Variants in CEP112 observed in about 807,000 individuals in gnomAD.
CEP112 encodes centrosomal protein of 112 kDa.
Under a neutral mutation model 153.0 loss-of-function variants are expected in CEP112, and 127 were observed. That is an observed-to-expected ratio of 0.83 (90% CI 0.72 to 0.96). The LOEUF (loss-of-function observed/expected upper bound fraction) is 0.96, where lower values mean the gene tolerates loss of function less well. CEP112 is among the 40% of genes least tolerant of loss of function. The pLI is 0.00. For synonymous variants in CEP112, 358 were observed against 374.4 expected (o/e 0.96, Z 0.51); for missense variants, 1,089 against 1,101.2 (o/e 0.99, Z 0.16).
chr17:65,696,187 T>C (rs1567876666), intron 23 of CEP112, among the ~76,000 whole-genome samples: 1 of 152,160 alleles, frequency 6.6e-6, no homozygotes, highest in African/African-American at 2.4e-5. Context: ...TCTCATTGAG[T>C]TGAAATTTAA....
chr17:66,092,616 G>T (rs972536846), intron 8 of CEP112, among the ~76,000 whole-genome samples: 5 of 152,102 alleles, frequency 3.3e-5, no homozygotes, highest in African/African-American at 2.4e-5. Flanking sequence ...AGATGCAAAA[G>T]TCCTCAACAA....
At chr17:65,835,243 T>G (rs1208690326) in intron 21 of CEP112, among the ~76,000 whole-genome samples, 4 of 144,312 alleles carry the variant, frequency 2.8e-5, no homozygotes, top group Non-Finnish European at 6.1e-5. Context: ...TGAATGAATC[T>G]CCACATAACA....
In CEP112 at chr17:65,708,493, C is replaced by T. The variant is rs373430990; in HGVS notation, c.2608-19275G>A. On this transcript the variant is annotated intron_variant, in intron 23 of 26. Coordinates refer to ENST00000535342, the MANE Select transcript of CEP112 (RefSeq NM_001199165.4). ...TTAGCACAGTGCCTTCTTTCCACGT[C>T]TTTTTCCTATTCATATGAAACTGGC... Among the ~76,000 whole-genome samples, 11 of 152,212 alleles carry T rather than the reference C, an allele frequency of 7.2e-5. No individual in the cohort carries two copies. The East Asian group carries it at 1.5e-3, about 21-fold the overall frequency.
chr17:65,869,253 A>G (rs1293454179), intron 20 of CEP112, among the ~76,000 whole-genome samples: 1 of 152,216 alleles, frequency 6.6e-6, no homozygotes, highest in Non-Finnish European at 1.5e-5. Context: ...TGATTCAAAA[A>G]TTGTTCTGAG....
intron 23 of CEP112, among the ~76,000 whole-genome samples, chr17:65,723,900 T>C (rs1470609088): frequency 6.6e-6 from 1 of 152,236 alleles, no homozygotes; most frequent in African/African-American, 2.4e-5. Flanking sequence ...GCAAATCATC[T>C]GTTACTCTGA....
At chr17:66,036,584 G>A (rs1458388702) in intron 12 of CEP112, among the ~76,000 whole-genome samples, 1 of 152,008 alleles carries the variant, frequency 6.6e-6, no homozygotes, top group Non-Finnish European at 1.5e-5. Context: ...TCTCTTTCCC[G>A]CAAAACTATG....
At chr17:65,845,346 G>T (rs1168974963) in intron 21 of CEP112, among the ~76,000 whole-genome samples, 3 of 151,948 alleles carry the variant, frequency 2.0e-5, no homozygotes, top group Non-Finnish European at 1.5e-5. Context: ...AACAAAATTT[G>T]TTATACCCAT....
At chr17:65,841,254 T>C (rs1296512765) in intron 21 of CEP112, among the ~76,000 whole-genome samples, 1 of 151,932 alleles carries the variant, frequency 6.6e-6, no homozygotes, top group Non-Finnish European at 1.5e-5. Flanking sequence ...AACATAAATG[T>C]ACATCAGCAA....
chr17:66,184,952 C>T (rs911371938), intron 1 of CEP112, among the ~76,000 whole-genome samples: 7 of 151,934 alleles, frequency 4.6e-5, no homozygotes, highest in African/African-American at 1.7e-4. Context: ...ACTTCAAATC[C>T]TTATGCTAAG....
At chr17:65,870,093 A>AGAAAGAAAAGAAAGAAC (rs2058621692) in intron 20 of CEP112, among the ~76,000 whole-genome samples, 2 of 151,548 alleles carry the variant, frequency 1.3e-5, no homozygotes, top group Admixed American at 6.6e-5. Flanking sequence ...AAAGAAAGAA[A>AGAAAGAAAAGAAAGAAC]GAGAAAATAC....
At chr17:65,990,223 G>A (rs1386714087) in intron 17 of CEP112, among the ~76,000 whole-genome samples, 1 of 152,226 alleles carries the variant, frequency 6.6e-6, no homozygotes, top group East Asian at 1.9e-4. Context: ...GGCATAGAGT[G>A]TAGGGCAGAG....
chr17:65,971,400 ATATTGCACCC>A (rs2062791661), intron 17 of CEP112, among the ~76,000 whole-genome samples: 1 of 58,124 alleles, frequency 1.7e-5, no homozygotes, highest in African/African-American at 5.2e-5. Flanking sequence ...TATAGCATGT[ATATTGCACCC>A]ATGCAGCATG....
In CEP112 at chr17:65,726,685, C is replaced by T. The variant is rs576872020; in HGVS notation, c.2607+16383G>A. On this transcript the variant is annotated intron_variant, in intron 23 of 26. Coordinates refer to ENST00000535342, the MANE Select transcript of CEP112 (RefSeq NM_001199165.4). ...ACCCTCTAAATTCAATTTAGTCATA[C>T]GACGTTTTCAGAAATTAAGACATCA... Among the ~76,000 whole-genome samples, 29 of 152,150 alleles carry T rather than the reference C, an allele frequency of 1.9e-4. 1 individual carries two copies. In the South Asian group the frequency reaches 5.4e-3, roughly 28 times the overall value.
At chr17:65,796,563 T>A (rs1340417290) in intron 21 of CEP112, among the ~76,000 whole-genome samples, 1 of 152,050 alleles carries the variant, frequency 6.6e-6, no homozygotes, top group Admixed American at 6.5e-5. Context: ...AGCGGGAAGA[T>A]CCCTTGAGCT....
At chr17:65,799,565 G>C (rs1474314872) in intron 21 of CEP112, among the ~76,000 whole-genome samples, 1 of 152,178 alleles carries the variant, frequency 6.6e-6, no homozygotes, top group Non-Finnish European at 1.5e-5. Context: ...GCACTGTGGA[G>C]AATGATCCAG....
chr17:66,094,413 G>T (rs891880799), intron 8 of CEP112, among the ~76,000 whole-genome samples: 20 of 151,996 alleles, frequency 1.3e-4, no homozygotes, highest in Admixed American at 4.6e-4. Context: ...GAAAGACAGT[G>T]TCTTCAATAA....
chr17:65,740,080 C>CTCA (rs1165235771), intron 23 of CEP112, among the ~76,000 whole-genome samples: 1 of 152,102 alleles, frequency 6.6e-6, no homozygotes, highest in African/African-American at 2.4e-5. Flanking sequence ...TTGAGTTATA[C>CTCA]TTTTGTTTTG....
At chr17:66,190,666 T>C (rs767330547) in intron 1 of CEP112, among the ~76,000 whole-genome samples, 1 of 152,260 alleles carries the variant, frequency 6.6e-6, no homozygotes, top group African/African-American at 2.4e-5. Flanking sequence ...TGACTCTTGC[T>C]TATAGCTACA....
At chr17:65,892,318 T>C (rs1433833451) in intron 20 of CEP112, among the ~76,000 whole-genome samples, 1 of 152,186 alleles carries the variant, frequency 6.6e-6, no homozygotes, top group Non-Finnish European at 1.5e-5. Context: ...TTGATTTACA[T>C]ATTATCTGAA....
Sources: gnomAD v4.1 joint callset for allele counts (sites outside exome capture counted in the v4.1 genomes callset) on GRCh38, gnomAD v4.1.1 for gene constraint, MANE v1.5 for transcripts, NCBI Gene and HGNC (gene_info 2026-07-23, HGNC 2026-07-21) for gene names.